The following JPT2 variants were observed in gnomAD, a reference collection of about 807,000 sequenced individuals.
JPT2 encodes CRAMP_1 like.
In JPT2, 9 loss-of-function variants were observed where a neutral mutation model predicts 15.9. That is an observed-to-expected ratio of 0.57 (90% confidence interval 0.34 to 0.99). The LOEUF is 0.99. JPT2 is among the 50% of genes least tolerant of loss of function. The pLI, the probability that JPT2 is intolerant of heterozygous loss-of-function variation, is 0.02. For missense variants in JPT2, 267 were observed against 252.1 expected (o/e 1.06, Z -0.40); for synonymous variants, 95 against 91.7 (o/e 1.04, Z -0.21).
intron 2 of JPT2, chr16:1,690,242 C>G (rs183967859): frequency 6.6e-6 from 1 of 152,196 alleles, no homozygotes. Flanking sequence ...CTCATCTCCA[C>G]GCAAGCACAC....
intron 3 of JPT2, among the ~76,000 whole-genome samples, chr16:1,695,405 CAAAAA>C (rs35052397): frequency 8.2e-6 from 1 of 121,368 alleles, no homozygotes; most frequent in Admixed American, 8.4e-5. Flanking sequence ...AACTCCGTCC[CAAAAA>C]AAAAAAAAAA....
chr16:1,694,221 A>ATTCT (rs2037124942), intron 3 of JPT2, among the ~76,000 whole-genome samples: 3 of 152,236 alleles, frequency 2.0e-5, no homozygotes, highest in Admixed American at 2.0e-4. Flanking sequence ...GTGGCCGTTA[A>ATTCT]CATCACAAAA....
At chr16:1,702,791 G>T (rs2037187660), downstream of JPT2, among the ~76,000 whole-genome samples, 2 of 152,210 alleles carry the variant, frequency 1.3e-5, no homozygotes, top group Non-Finnish European at 2.9e-5. Flanking sequence ...ACATCACAGG[G>T]AACTGTGTGG....
chr16:1,679,327 AT>A (rs1567467247), intron 1 of JPT2, among the ~76,000 whole-genome samples: 1 of 152,200 alleles, frequency 6.6e-6, no homozygotes, highest in African/African-American at 2.4e-5. Context: ...CCTTTTGGCT[AT>A]GATCAAGTGA....
At chr16:1,697,485 C>A (rs1210325067) in intron 3 of JPT2, among the ~76,000 whole-genome samples, 1 of 151,364 alleles carries the variant, frequency 6.6e-6, no homozygotes, top group Non-Finnish European at 1.5e-5. Flanking sequence ...CGCACTCTAG[C>A]CTGAATGACT....
chr16:1,698,811 C>G lies in JPT2; in HGVS notation c.386C>G (p.Ala129Gly). ...EGEEPKSDLK[A>G]ARSIPAGAEP... ...GTTGTTCTAACTTTGTGTCCCACAG[C>G]TGCAAGGAGCATCCCGGCTGGAGCA... The change falls in exon 5 of 5, where the codon GCT (alanine) becomes GGT (glycine). Residue 129 changes from alanine (A) to glycine (G), a missense_variant and splice_region_variant. Physicochemically the swap from Ala to Gly is moderately conservative, Grantham distance 60 (BLOSUM62 0). Transcript: ENST00000248098. This position sits in a 1 kb window ranked among gnomAD's most constrained non-coding sequence, Gnocchi z 4.9. The G allele has an allele frequency of 6.2e-7, 1 of 1,609,844 alleles. No homozygotes were observed. The highest frequency in any genetic ancestry group is 8.5e-7 in the Non-Finnish European group (1 of 1,178,388).
At chr16:1,689,882 G>C (rs896391480) in intron 2 of JPT2, 1 of 152,330 alleles carries the variant, frequency 6.6e-6, no homozygotes, top group Non-Finnish European at 1.5e-5. Flanking sequence ...TCCCCACCGT[G>C]CTGTGCTGCT....
chr16:1,694,265 G>A (rs1275842627), intron 3 of JPT2, among the ~76,000 whole-genome samples: 1 of 152,174 alleles, frequency 6.6e-6, no homozygotes, highest in African/African-American at 2.4e-5. Context: ...GCCTGGGAAT[G>A]GAAATCCACC....
intron 3 of JPT2, among the ~76,000 whole-genome samples, chr16:1,694,125 T>G (rs1021758816): frequency 6.6e-6 from 1 of 152,220 alleles, no homozygotes; most frequent in East Asian, 1.9e-4. Flanking sequence ...GTTTCTGGGA[T>G]GTAAGTGAAG....
In JPT2 at chr16:1,699,258, A is replaced by AG. The variant is rs1258043576; in HGVS notation, c.*266dup. ...TAGTCCAGGTTTGAGAGGAACTGGA[A>AG]GGGGGGTGAGGGTGGGGAGGTGGGG... On this transcript the variant is annotated 3_prime_UTR_variant, in exon 5 of 5. Transcript: ENST00000248098. The AG allele has an allele frequency of 9.2e-6, 4 of 434,348 alleles. No individual in the cohort carries two copies. The highest frequency in any genetic ancestry group is 7.2e-5 in the East Asian group (1 of 13,968). 26.9% of individuals were successfully genotyped at this position (434,348 alleles called of 1,614,324 possible).
intron 2 of JPT2, chr16:1,688,750 G>A (rs1486044381): frequency 6.6e-6 from 1 of 152,096 alleles, no homozygotes; most frequent in Non-Finnish European, 1.5e-5. Flanking sequence ...ATAACACAGA[G>A]CCCTTGGAAA....
intron 2 of JPT2, among the ~76,000 whole-genome samples, chr16:1,687,321 GTTTGGTTGCTTT>G (rs1176046747): frequency 6.6e-6 from 1 of 152,066 alleles, no homozygotes. Context: ...TTTTTGGTCT[GTTTGGTTGCTTT>G]TTTGGTTGTT....
At chr16:1,678,593 G>A (rs12927825) in intron 1 of JPT2, among the ~76,000 whole-genome samples, 1 of 152,182 alleles carries the variant, frequency 6.6e-6, no homozygotes, top group Non-Finnish European at 1.5e-5. Context: ...GACCGAGGCC[G>A]AGGGCGGGGA....
chr16:1,678,709 G>A (rs964936568), intron 1 of JPT2, among the ~76,000 whole-genome samples: 9 of 152,092 alleles, frequency 5.9e-5, no homozygotes, highest in Non-Finnish European at 1.0e-4. Flanking sequence ...GGTTTCCTGG[G>A]GGCGGGGTGT....
At chr16:1,684,475 C>T (rs1019412958) in intron 1 of JPT2, among the ~76,000 whole-genome samples, 4 of 152,054 alleles carry the variant, frequency 2.6e-5, no homozygotes, top group African/African-American at 7.3e-5. Context: ...GTGCGATGGC[C>T]CACACCTGTA....
intron 2 of JPT2, among the ~76,000 whole-genome samples, 158 bp from the exon 3 acceptor site, chr16:1,691,685 C>A (rs1178678835): frequency 1.3e-5 from 2 of 148,494 alleles, no homozygotes; most frequent in Admixed American, 1.4e-4. Flanking sequence ...CATGGATCTT[C>A]AGGGGTTTCA....
intron 1 of JPT2, among the ~76,000 whole-genome samples, chr16:1,682,735 G>C (rs2037033349): frequency 6.6e-6 from 1 of 151,926 alleles, no homozygotes; most frequent in Admixed American, 6.6e-5. Flanking sequence ...ATGGAAGTCA[G>C]ATGGCCTTAT....
chr16:1,700,504 C>G lies in JPT2; in HGVS notation c.*1506C>G, dbSNP rs560250790. On this transcript the variant is annotated 3_prime_UTR_variant, in exon 5 of 5. Coordinates refer to ENST00000248098, the MANE Select transcript of JPT2 (RefSeq NM_144570.3). ...AGCAGCAGCCATGTTCAGTCAGGCT[C>G]ATGCTGCCTCACTGCTTAAGTGCCT... 19 of 196,108 alleles carry G rather than the reference C, an allele frequency of 9.7e-5. No individual in the cohort carries two copies. Among genetic ancestry groups the G allele is most frequent in the African/African-American group, 4.0e-4 (18 of 44,514 alleles). 12.1% of individuals were successfully genotyped at this position (196,108 alleles called of 1,614,324 possible). A position where few individuals can be genotyped will look rare whatever the true frequency, so the allele number is the denominator to read the frequency against.
intron 1 of JPT2, among the ~76,000 whole-genome samples, chr16:1,679,989 G>T (rs1232282643): frequency 7.9e-5 from 12 of 151,592 alleles, no homozygotes. Flanking sequence ...AACCCGGGAG[G>T]CGGAGCTTGC....
Sources: allele counts gnomAD v4.1 joint callset (sites outside exome capture counted in the v4.1 genomes callset), GRCh38; gene constraint gnomAD v4.1.1; non-coding constraint Gnocchi (gnomAD v3.1); transcripts MANE v1.5; gene names NCBI Gene and HGNC (gene_info 2026-07-23, HGNC 2026-07-21).